The following PKNOX2 variants were observed in gnomAD, a reference collection of about 807,000 sequenced individuals.
The protein encoded by PKNOX2 is homeobox protein PKNOX2.
In PKNOX2, 14 loss-of-function variants were observed where a neutral mutation model predicts 53.1. That is an observed-to-expected ratio of 0.26 (90% CI 0.17 to 0.41). The LOEUF (loss-of-function observed/expected upper bound fraction) is 0.41. Ranked by LOEUF, PKNOX2 falls within the 10% of genes least tolerant of loss-of-function variation. The pLI, the probability that PKNOX2 is intolerant of heterozygous loss-of-function variation, is 1.00. For missense variants in PKNOX2, 496 were observed against 602.8 expected, an observed-to-expected ratio of 0.82 and a Z score of 1.85; for synonymous variants, 257 against 242.8, an observed-to-expected ratio of 1.06 and a Z score of -0.54.
chr11:125,292,646 A>C (rs1947374349), intron 2 of PKNOX2, among the ~76,000 whole-genome samples: 1 of 152,190 alleles, frequency 6.6e-6, no homozygotes, highest in South Asian at 2.1e-4. Flanking sequence ...GAGCAGGTCT[A>C]GCCATGTGTG....
intron 2 of PKNOX2, among the ~76,000 whole-genome samples, chr11:125,251,871 GTT>G (rs1005292453): frequency 6.8e-6 from 1 of 146,084 alleles, no homozygotes. Context: ...TATCAATCAA[GTT>G]TTTTTTTTTA....
At chr11:125,250,478 C>A (rs955852619) in intron 2 of PKNOX2, among the ~76,000 whole-genome samples, 1 of 152,144 alleles carries the variant, frequency 6.6e-6, no homozygotes, top group Non-Finnish European at 1.5e-5. Flanking sequence ...GTGCGCACAG[C>A]CTTTTAGAGA....
intron 3 of PKNOX2, among the ~76,000 whole-genome samples, chr11:125,338,511 T>A (rs919516855): frequency 1.3e-5 from 2 of 152,072 alleles, no homozygotes; most frequent in Non-Finnish European, 2.9e-5. Context: ...TCCTTCTCCT[T>A]CCCATCCCAG....
At chr11:125,295,589 A>G (rs1947603851) in intron 2 of PKNOX2, among the ~76,000 whole-genome samples, 1 of 152,136 alleles carries the variant, frequency 6.6e-6, no homozygotes, top group Non-Finnish European at 1.5e-5. Flanking sequence ...ACAGTGGGAG[A>G]GGAGGGAAGC....
chr11:125,207,746 T>C lies in PKNOX2; in HGVS notation c.-200-27299T>C, dbSNP rs1380702739. 2.0e-5 allele frequency among the ~76,000 whole-genome samples: 3 copies of C among 151,404 alleles called. No individual in the cohort carries two copies. In the East Asian group the frequency reaches 5.8e-4, roughly 29 times the overall value. The stretch of plus-strand genomic sequence containing the variant: ...GGAAGAGATTGGAGACGGGTATGGG[T>C]GGTTGGGAGGTGAGGAAGAGATGGG... On this transcript the variant is annotated intron_variant, in intron 1 of 12. Transcript: ENST00000298282.
intron 7 of PKNOX2, among the ~76,000 whole-genome samples, chr11:125,400,686 T>C (rs1273810998): frequency 1.3e-5 from 2 of 152,180 alleles, no homozygotes; most frequent in East Asian, 3.9e-4. Flanking sequence ...ACAAGGCTGC[T>C]CACCCAGGAG....
chr11:125,334,609 A>AT (rs2051889560), intron 3 of PKNOX2, among the ~76,000 whole-genome samples: 1 of 122,200 alleles, frequency 8.2e-6, no homozygotes, highest in Non-Finnish European at 1.8e-5. Flanking sequence ...TTTTCTTTTC[A>AT]TTTTTTTGAG....
intron 1 of PKNOX2, among the ~76,000 whole-genome samples, chr11:125,185,693 C>G (rs545446888): frequency 3.3e-5 from 5 of 151,982 alleles, no homozygotes; most frequent in African/African-American, 1.2e-4. Context: ...AATTTCATTC[C>G]TCTTTATAGA....
chr11:125,349,257 C>T (rs372634481), intron 3 of PKNOX2, among the ~76,000 whole-genome samples: 1 of 151,916 alleles, frequency 6.6e-6, no homozygotes, highest in Non-Finnish European at 1.5e-5. Context: ...TTTCCCTCTG[C>T]AATCCTCACT....
chr11:125,177,506 C>T (rs1302514159), intron 1 of PKNOX2, among the ~76,000 whole-genome samples: 1 of 152,182 alleles, frequency 6.6e-6, no homozygotes, highest in Non-Finnish European at 1.5e-5. Context: ...TGATCCTGGG[C>T]AACTTCTTAA....
intron 5 of PKNOX2, among the ~76,000 whole-genome samples, chr11:125,376,552 ACT>A (rs916790179): frequency 6.6e-6 from 1 of 152,186 alleles, no homozygotes; most frequent in Non-Finnish European, 1.5e-5. Context: ...AGCAACTGTG[ACT>A]AGAAGCTGCC....
chr11:125,224,930 T>C (rs1236569155), intron 1 of PKNOX2, among the ~76,000 whole-genome samples: 2 of 152,234 alleles, frequency 1.3e-5, no homozygotes, highest in Non-Finnish European at 2.9e-5. Flanking sequence ...GAGAGGACTG[T>C]GGCAGGCTTG....
intron 1 of PKNOX2, among the ~76,000 whole-genome samples, chr11:125,202,255 A>G (rs1938538885): frequency 6.6e-6 from 1 of 152,212 alleles, no homozygotes; most frequent in Non-Finnish European, 1.5e-5. Context: ...GCCAGGGGCC[A>G]GCCAGGCTGC....
chr11:125,257,839 G>A (rs904626565), intron 2 of PKNOX2, among the ~76,000 whole-genome samples: 4 of 152,182 alleles, frequency 2.6e-5, no homozygotes, highest in East Asian at 1.9e-4. Flanking sequence ...ATGAGAGCTC[G>A]GAGGCTCAGG....
chr11:125,191,625 G>T (rs1202756158), intron 1 of PKNOX2, among the ~76,000 whole-genome samples: 1 of 152,174 alleles, frequency 6.6e-6, no homozygotes, highest in Non-Finnish European at 1.5e-5. Context: ...AGATTCCACT[G>T]TTGGGAAGTT....
chr11:125,313,814 A>G (rs1254722775), intron 2 of PKNOX2, among the ~76,000 whole-genome samples: 1 of 152,248 alleles, frequency 6.6e-6, no homozygotes, highest in Non-Finnish European at 1.5e-5. Flanking sequence ...CCAAGTGCTC[A>G]GTAGCCACAT....
intron 2 of PKNOX2, among the ~76,000 whole-genome samples, chr11:125,275,076 T>C (rs1334161501): frequency 6.6e-6 from 1 of 152,196 alleles, no homozygotes; most frequent in Non-Finnish European, 1.5e-5. Flanking sequence ...GGATTTCATA[T>C]TCTAAGTAGG....
intron 4 of PKNOX2, among the ~76,000 whole-genome samples, chr11:125,367,065 A>G (rs1036801120): frequency 6.6e-6 from 1 of 152,222 alleles, no homozygotes; most frequent in Non-Finnish European, 1.5e-5. Context: ...GATTTCTTTG[A>G]CTGAAGGAAA....
intron 1 of PKNOX2, among the ~76,000 whole-genome samples, chr11:125,205,233 T>A (rs1299775577): frequency 2.6e-5 from 4 of 152,222 alleles, no homozygotes; most frequent in Non-Finnish European, 5.9e-5. Context: ...GTGTGGTACA[T>A]AGTGGGGCTG....
Sources: gnomAD v4.1 joint callset for allele counts (sites outside exome capture counted in the v4.1 genomes callset) on GRCh38, gnomAD v4.1.1 for gene constraint, MANE v1.5 for transcripts, NCBI Gene and HGNC (gene_info 2026-07-23, HGNC 2026-07-21) for gene names.